Variants in TOPBP1 observed in about 807,000 individuals in gnomAD.
TOPBP1 encodes DNA topoisomerase II binding protein 1.
A neutral mutation model predicts 167.7 loss-of-function variants in TOPBP1; 28 were observed. The observed-to-expected ratio is 0.17, with a 90% confidence interval of 0.12 to 0.23. The LOEUF (loss-of-function observed/expected upper bound fraction) is 0.23. TOPBP1 is among the 10% of genes least tolerant of loss of function. TOPBP1 has a pLI of 1.00. For synonymous variants in TOPBP1, 598 were observed against 611.4 expected, an observed-to-expected ratio of 0.98 and a Z score of 0.32; for missense variants, 1,554 against 1,809.6, an observed-to-expected ratio of 0.86 and a Z score of 2.56.
chr3:133,607,018 AAC>A (rs1397914248), intron 27 of TOPBP1, among the ~76,000 whole-genome samples: 1 of 152,168 alleles, frequency 6.6e-6, no homozygotes, highest in Non-Finnish European at 1.5e-5. Context: ...ACAAATTACA[AAC>A]ACTCTGTACA....
chr3:133,612,316 AG>A, intron 24 of TOPBP1, 72 bp downstream of exon 24: 1 of 1,561,404 alleles, frequency 6.4e-7, no homozygotes, highest in Non-Finnish European at 8.7e-7. Context: ...CTAGGATAAC[AG>A]GTGTGAGCCA....
Position 133,620,263 on chromosome 3 carries a change from T to TG in TOPBP1, c.3262dup (p.Gln1088ProfsTer13). 1 of 1,613,994 alleles carries TG rather than the reference T, an allele frequency of 6.2e-7. No individual in the cohort carries two copies. The highest frequency in any genetic ancestry group is 8.5e-7 in the Non-Finnish European group (1 of 1,179,890). Reference sequence around the variant, plus strand: ...TCTTGAAAGGGAAGTCCTCTGCCCTTGGGGTTTCACTATTGATGTTGCAGA... The same window carrying TG: ...TCTTGAAAGGGAAGTCCTCTGCCCTTGGGGGTTTCACTATTGATGTTGCAGA... On this transcript the variant is annotated frameshift_variant, in exon 20 of 28. Transcript: ENST00000260810. LOFTEE classifies it high-confidence loss of function.
chr3:133,617,123 T>C, intron 22 of TOPBP1, 37 bp downstream of exon 22: 2 of 1,562,806 alleles, frequency 1.3e-6, no homozygotes, highest in Non-Finnish European at 1.7e-6. Context: ...AACAGCAGTA[T>C]GCAAAAGCTG....
chr3:133,633,508 T>C (rs1442781498), intron 14 of TOPBP1, among the ~76,000 whole-genome samples: 3 of 152,210 alleles, frequency 2.0e-5, no homozygotes, highest in Non-Finnish European at 2.9e-5. Flanking sequence ...CTCTTTTCTT[T>C]GGCTGGACGT....
chr3:133,655,474 T>C lies in TOPBP1; in HGVS notation c.558A>G (p.Arg186=). 6.7e-7 allele frequency: 1 copy of C among 1,500,864 alleles called. No individual in the cohort carries two copies. Among genetic ancestry groups the C allele is most frequent in the Non-Finnish European group, 8.9e-7 (1 of 1,122,718 alleles). 93.0% of individuals were successfully genotyped at this position (1,500,864 alleles called of 1,614,324 possible). A position where few individuals can be genotyped will look rare whatever the true frequency, so the allele number is the denominator to read the frequency against. ...AATCTTCCATGTTTATATCAGTATA[T>C]CTAGTTATTTTTCTGTGGGAATCAA... is the stretch of plus-strand genomic sequence containing the variant. ...WEKSQEKKIT[R]YTDINMEDFK... Residue 186 remains arginine, a synonymous_variant, in exon 6 of 28, where the codon AGA becomes AGG. Coordinates refer to ENST00000260810, the MANE Select transcript of TOPBP1 (RefSeq NM_007027.4).
chr3:133,639,991 C>T lies in TOPBP1; in HGVS notation c.2201G>A (p.Ser734Asn). Reference sequence around the variant, plus strand: ...AGTTGAATTTTCAATCAGAAAATGGCTTTCGTCTGCTCTCTTTCCCGTTCT... The same window carrying T: ...AGTTGAATTTTCAATCAGAAAATGGTTTTCGTCTGCTCTCTTTCCCGTTCT... ...TARTGKRADESHFLIENSTKE... is the reference protein window; with the variant it reads ...TARTGKRADENHFLIENSTKE... Residue 734 changes from serine (S) to asparagine (N), a missense_variant, in exon 13 of 28, where the codon AGC (serine) becomes AAC (asparagine). Around this residue, in one of 3 missense-constraint regions of TOPBP1, gnomAD observed 1,197 missense variants for 1,351.5 expected, o/e 0.89. Coordinates refer to ENST00000260810, the MANE Select transcript of TOPBP1 (RefSeq NM_007027.4). 1 of 1,613,760 alleles carries T rather than the reference C, an allele frequency of 6.2e-7. No homozygotes were observed. The highest frequency in any genetic ancestry group is 1.1e-5 in the South Asian group (1 of 91,074).
intron 2 of TOPBP1, 72 bp downstream of exon 2, chr3:133,660,972 A>T (rs1936687229): frequency 1.8e-6 from 2 of 1,122,900 alleles, no homozygotes; most frequent in Non-Finnish European, 2.5e-6. Context: ...CTAAGACATA[A>T]AGCCCAACAA....
intron 10 of TOPBP1, among the ~76,000 whole-genome samples, chr3:133,648,766 C>A (rs1462729125): frequency 6.6e-6 from 1 of 151,958 alleles, no homozygotes; most frequent in Non-Finnish European, 1.5e-5. Context: ...CCACTACACT[C>A]CAGCCTGCGC....
chr3:133,629,238 C>CTGTT (rs1257663985), intron 14 of TOPBP1, among the ~76,000 whole-genome samples: 1 of 152,182 alleles, frequency 6.6e-6, no homozygotes, highest in African/African-American at 2.4e-5. Context: ...AAGGAAGCTA[C>CTGTT]TGTTGTCCAA....
intron 2 of TOPBP1, 106 bp from the exon 3 acceptor site, chr3:133,659,256 A>G: frequency 8.5e-7 from 1 of 1,174,348 alleles, no homozygotes. Flanking sequence ...GAAAGCCACC[A>G]TCACATCTCA....
intron 12 of TOPBP1, 73 bp from the exon 13 acceptor site, chr3:133,640,243 C>A: frequency 7.7e-7 from 1 of 1,290,990 alleles, no homozygotes; most frequent in Non-Finnish European, 1.1e-6. Flanking sequence ...AAATTTCCAA[C>A]ACAACAGTGT....
intron 12 of TOPBP1, among the ~76,000 whole-genome samples, chr3:133,641,247 C>T (rs149886876): frequency 2.0e-5 from 3 of 152,262 alleles, no homozygotes; most frequent in Non-Finnish European, 4.4e-5. Flanking sequence ...TTTGAAATGT[C>T]ACTTGTATCG....
intron 14 of TOPBP1, among the ~76,000 whole-genome samples, chr3:133,634,923 C>T (rs1226669300): frequency 6.6e-6 from 1 of 151,950 alleles, no homozygotes. Flanking sequence ...AGGGTGGGGT[C>T]TGTGGGTTGA....
intron 27 of TOPBP1, among the ~76,000 whole-genome samples, chr3:133,605,378 C>T (rs951923073): frequency 1.3e-5 from 2 of 148,674 alleles, no homozygotes; most frequent in Admixed American, 6.7e-5. Context: ...TACCAATATC[C>T]CACCCTGAAA....
chr3:133,615,036 A>G (rs1934818170), intron 23 of TOPBP1, among the ~76,000 whole-genome samples: 1 of 151,920 alleles, frequency 6.6e-6, no homozygotes, highest in African/African-American at 2.4e-5. Flanking sequence ...AAAAAAAGAG[A>G]AAGTTTTTCC....
chr3:133,625,116 G>A (rs536538107), intron 16 of TOPBP1, among the ~76,000 whole-genome samples: 16 of 152,224 alleles, frequency 1.1e-4, no homozygotes, highest in African/African-American at 3.1e-4. Context: ...ATAGGCGTAC[G>A]CCACCACACC....
At position 133,608,919 on chromosome 3, in the gene TOPBP1, G is replaced by C; in HGVS notation, c.4217C>G (p.Ser1406Cys). Residue 1406 changes from serine (S) to cysteine (C), a missense_variant, in exon 26 of 28, where the codon TCT (serine) becomes TGT (cysteine). Transcript: ENST00000260810. ...AAGGCGTTTGAAGCCTGCTTCTCGA[G>C]ACTGATCCACATGTAAAATAACCTT... ...GWKVILHVDQ[S>C]REAGFKRLLQ... 1 of 1,613,418 alleles carries C rather than the reference G, an allele frequency of 6.2e-7. No homozygotes were observed. The highest frequency in any genetic ancestry group is 8.5e-7 in the Non-Finnish European group (1 of 1,179,666).
At position 133,661,836 on chromosome 3, in the gene TOPBP1, G is replaced by A. The variant is rs1275065420; in HGVS notation, c.-75C>T. On this transcript the variant is annotated 5_prime_UTR_variant, in exon 1 of 28. Transcript: ENST00000260810. ...GCGCTGGCCGCAGGGCGGTGGCTGG[G>A]GTCGGGCGCCAGCCCGGCGCACAGC... 1 of 152,364 alleles carries A rather than the reference G, an allele frequency of 6.6e-6. No individual in the cohort carries two copies. Among genetic ancestry groups the A allele is most frequent in the Non-Finnish European group, 1.5e-5 (1 of 68,076 alleles). 9.4% of individuals were successfully genotyped at this position (152,364 alleles called of 1,614,324 possible).
rs150419629 is a variant in TOPBP1 at position 133,624,468 on chromosome 3, C to T, written c.2805-293G>A. On this transcript the variant is annotated intron_variant, in intron 16 of 27. Coordinates refer to ENST00000260810, the MANE Select transcript of TOPBP1 (RefSeq NM_007027.4). ...CAGCCCAGGCAACACAGCAAGACCC[C>T]GCCTCAAGAAAAAAACAGTTAAAAA... 1.8e-4 allele frequency among the ~76,000 whole-genome samples: 27 copies of T among 152,024 alleles called. 1 individual carries two copies. Among genetic ancestry groups the T allele is most frequent in the South Asian group, 1.0e-3 (5 of 4,800 alleles).
Sources: gnomAD v4.1 joint callset for allele counts (sites outside exome capture counted in the v4.1 genomes callset) on GRCh38, gnomAD v4.1.1 for gene constraint, gnomAD v4.1.1 regional missense constraint, MANE v1.5 for transcripts, NCBI Gene and HGNC (gene_info 2026-07-23, HGNC 2026-07-21) for gene names.